Variants in CLCN7 observed in about 807,000 individuals in gnomAD.
CLCN7 encodes Cl-/H+ antiporter 7, also known as H(+)/Cl(-) exchange transporter 7.
A neutral mutation model predicts 102.1 loss-of-function variants in CLCN7; 60 were observed. The observed-to-expected ratio is 0.59, with a 90% CI of 0.48 to 0.73. The LOEUF is 0.73. Among genes scored for constraint, CLCN7 ranks in the 30% least tolerant of loss-of-function variants. The probability of loss-of-function intolerance (pLI) is 0.00; values close to 1 mark genes in which losing one functional copy is unlikely to be tolerated. For missense variants in CLCN7, 962 were observed against 1,125.7 expected (o/e 0.85, Z 2.08); for synonymous variants, 560 against 490.5 (o/e 1.14, Z -1.87).
intron 1 of CLCN7, among the ~76,000 whole-genome samples, chr16:1,467,043 C>T (rs1211122536): frequency 6.6e-6 from 1 of 152,164 alleles, no homozygotes; most frequent in East Asian, 1.9e-4. Flanking sequence ...GCTGTACACC[C>T]CCCGTGTTGA....
chr16:1,454,590 G>A (rs563661466), intron 12 of CLCN7, 125 bp from the exon 13 acceptor site: 29 of 927,050 alleles, frequency 3.1e-5, no homozygotes, highest in African/African-American at 4.9e-5. Flanking sequence ...GCCCTTCCAC[G>A]CAGGCTGCGG....
chr16:1,446,018 G>A lies in CLCN7; in HGVS notation c.*613C>T, dbSNP rs1001971204. On this transcript the variant is annotated 3_prime_UTR_variant, in exon 25 of 25. Coordinates refer to ENST00000382745, the MANE Select transcript of CLCN7 (RefSeq NM_001287.6). ...TCCTCTGGGCCTGTGTACCCAAGCC[G>A]GATGCAGGCCGGGGAGTGCACGTGG... 4.1e-5 allele frequency: 22 copies of A among 532,052 alleles called. No homozygotes were observed. The highest frequency in any genetic ancestry group is 1.5e-4 in the South Asian group (6 of 40,320). The allele number at this position is 532,052 out of a possible 1,614,324, so 33.0% of individuals were successfully genotyped here.
At chr16:1,469,643 ACCACTGC>A (rs1195748543) in intron 1 of CLCN7, among the ~76,000 whole-genome samples, 4 of 152,192 alleles carry the variant, frequency 2.6e-5, no homozygotes, top group African/African-American at 9.7e-5. Context: ...CTGAGATCAC[ACCACTGC>A]CCTTCAGCCT....
chr16:1,450,358 C>T (rs1275962883), intron 17 of CLCN7, 139 bp downstream of exon 17: 13 of 886,302 alleles, frequency 1.5e-5, no homozygotes, highest in Non-Finnish European at 2.0e-5. Flanking sequence ...GTGAACCACG[C>T]GAGGACAACG....
chr16:1,454,430 G>A lies in CLCN7; in HGVS notation c.1134C>T (p.Phe378=), dbSNP rs779244927. ...CCTTACCCACCACGCCCATGGCGAT[G>A]AAGACCGGGATCTCGTGGATCGTGT... ...MAYTIHEIPV[F]IAMGVVGGVL... Residue 378 remains phenylalanine (F), a synonymous_variant, in exon 13 of 25, where the codon TTC becomes TTT. Transcript: ENST00000382745. 1.2e-6 allele frequency: 2 copies of A among 1,613,716 alleles called. No homozygotes were observed. The highest frequency in any genetic ancestry group is 1.7e-6 in the Non-Finnish European group (2 of 1,180,010).
chr16:1,469,198 C>T (rs1426621046), intron 1 of CLCN7, among the ~76,000 whole-genome samples: 3 of 151,698 alleles, frequency 2.0e-5, no homozygotes, highest in African/African-American at 7.3e-5. Flanking sequence ...AGAGCAAGAC[C>T]CTGTCTCAAA....
chr16:1,455,524 C>A, intron 11 of CLCN7: 2 of 682,680 alleles, frequency 2.9e-6, no homozygotes, highest in South Asian at 3.3e-5. Context: ...CGGGAGCCAC[C>A]CAGGGCTGGC....
rs778749217 is a variant in CLCN7, at chr16:1,460,910, G to A, written c.390C>T (p.Cys130=). 2.9e-5 allele frequency: 46 copies of A among 1,613,790 alleles called. No homozygotes were observed. The highest frequency in any genetic ancestry group is 8.9e-5 in the East Asian group (4 of 44,886). The part of the protein sequence containing the change: ...RTVEIKRWVI[C]ALIGILTGLV... ...GGCCCGTGAGGATCCCAATGAGGGC[G>A]CAGATGACCCAGCGCTTGATCTCCA... The change falls in exon 5 of 25, where the codon TGC becomes TGT. Residue 130 remains cysteine (C), a synonymous_variant. Transcript: ENST00000382745.
intron 1 of CLCN7, among the ~76,000 whole-genome samples, chr16:1,470,212 G>T (rs1304415804): frequency 1.3e-5 from 2 of 152,218 alleles, no homozygotes; most frequent in African/African-American, 2.4e-5. Context: ...GCCCAGGCTG[G>T]TCTCTAAGTC....
At chr16:1,474,219 CTTA>C (rs1567279246) in intron 1 of CLCN7, 1 of 456,086 alleles carries the variant, frequency 2.2e-6, no homozygotes, top group Non-Finnish European at 4.4e-6. Flanking sequence ...TGACTTGCTG[CTTA>C]TTGTGTTTGC....
intron 1 of CLCN7, among the ~76,000 whole-genome samples, chr16:1,469,680 C>T (rs982095334): frequency 9.9e-5 from 15 of 152,072 alleles, no homozygotes; most frequent in African/African-American, 2.9e-4. Context: ...AGGGAGACTC[C>T]GTCAAAAACA....
chr16:1,468,902 A>C (rs532412767), intron 1 of CLCN7, among the ~76,000 whole-genome samples: 151 of 152,192 alleles, frequency 9.9e-4, no homozygotes, highest in African/African-American at 3.4e-3. Context: ...TTTAAAAGTC[A>C]AAAAAGGGCT....
At chr16:1,450,171 C>A (rs530014254) in intron 17 of CLCN7, 22 of 411,606 alleles carry the variant, frequency 5.3e-5, no homozygotes, top group Middle Eastern at 7.4e-4. Context: ...CGGACATCCA[C>A]CCCATGGAGT....
intron 1 of CLCN7, among the ~76,000 whole-genome samples, chr16:1,468,763 G>A (rs931839927): frequency 1.3e-5 from 2 of 152,138 alleles, no homozygotes; most frequent in Non-Finnish European, 2.9e-5. Context: ...GGATCTACAC[G>A]CATTGCACCG....
At position 1,468,975 on chromosome 16, in the gene CLCN7, G is replaced by A. The variant is rs192715164; in HGVS notation, c.142-3637C>T. On this transcript the variant is annotated intron_variant, in intron 1 of 24. Coordinates refer to ENST00000382745, the MANE Select transcript of CLCN7 (RefSeq NM_001287.6). ...GGAGGCCAAGGCGGGCAGATCACCC[G>A]AGGTCAGGAGTTCGAGACCAGCCTG... Among the ~76,000 whole-genome samples the A allele has an allele frequency of 3.8e-4, 57 of 151,388 alleles. 1 individual carries two copies. The highest frequency in any genetic ancestry group is 3.6e-3 in the Admixed American group (54 of 15,178).
Position 1,447,584 on chromosome 16 carries a change from C to A in CLCN7, c.2074-16G>T, listed in dbSNP as rs1299463033. 43 of 1,553,144 alleles carry A rather than the reference C, an allele frequency of 2.8e-5. No individual in the cohort carries two copies. The highest frequency in any genetic ancestry group is 3.6e-5 in the Non-Finnish European group (41 of 1,148,634). ...CCACAAACACCTGCGGGCGGCAGAG[C>A]CCTGTGTCAGGCACCCAGGCAGCAC... On this transcript the variant is annotated splice_polypyrimidine_tract_variant and intron_variant, in intron 22 of 24. Transcript: ENST00000382745.
intron 17 of CLCN7, 67 bp from the exon 18 acceptor site, chr16:1,449,394 C>T (rs899825114): frequency 1.0e-5 from 15 of 1,484,742 alleles, no homozygotes; most frequent in African/African-American, 8.4e-5. Flanking sequence ...GATACACAGA[C>T]GGAGGAGGCC....
chr16:1,451,774 C>A, intron 15 of CLCN7, 58 bp from the exon 16 acceptor site: 1 of 1,437,498 alleles, frequency 7.0e-7, no homozygotes, highest in Non-Finnish European at 9.7e-7. Flanking sequence ...GGGCTGCAGG[C>A]ACAAACCTGG....
rs35939214 is a variant in CLCN7, at chr16:1,448,776, G to A, written c.1798-10C>T. ...GCATGTCGTACAGGCCCTGCGGGCG[G>A]GGCGGGAACACAGGGCTTGAGGAGT... On this transcript the variant is annotated splice_polypyrimidine_tract_variant and intron_variant, in intron 19 of 24. Transcript: ENST00000382745. 0.046 allele frequency: 73,360 copies of A among 1,609,856 alleles called. 2,048 individuals are homozygous for A. Among genetic ancestry groups the A allele is most frequent in the Non-Finnish European group, 0.054 (63,731 of 1,179,448 alleles).
Sources: allele counts gnomAD v4.1 joint callset (sites outside exome capture counted in the v4.1 genomes callset), GRCh38; gene constraint gnomAD v4.1.1; transcripts MANE v1.5; gene names NCBI Gene and HGNC (gene_info 2026-07-23, HGNC 2026-07-21).